AMZ1: variants seen among roughly 807,000 people sequenced by gnomAD.
AMZ1 encodes the protein archaelysin family metallopeptidase 1, also known as archaemetzincin-1.
Under a neutral mutation model 29.9 loss-of-function variants are expected in AMZ1, and 39 were observed. That is an observed-to-expected ratio of 1.30 (90% CI 1.01 to 1.70). The LOEUF (loss-of-function observed/expected upper bound fraction) is 1.70. Ranked by LOEUF, AMZ1 falls within the 40% of genes most tolerant of loss-of-function variation. AMZ1 has a pLI of 0.00. For missense variants in AMZ1, 1,041 were observed against 680.6 expected (o/e 1.53, Z -5.89); for synonymous variants, 458 against 304.0 (o/e 1.51, Z -5.27).
At chr7:2,685,462 G>A (rs1787042196), upstream of AMZ1, among the ~76,000 whole-genome samples, 1 of 152,002 alleles carries the variant, frequency 6.6e-6, no homozygotes, top group Admixed American at 6.6e-5. Flanking sequence ...GGTGGCTGAG[G>A]CAGGAGAATC....
intron 2 of AMZ1, 105 bp downstream of exon 2, chr7:2,700,860 G>A (rs1583160208): frequency 6.9e-7 from 1 of 1,441,152 alleles, no homozygotes; most frequent in Non-Finnish European, 9.3e-7. Context: ...TGAAATGAGG[G>A]AAGAGGGTCC....
chr7:2,727,958 G>A (rs1017201040), intron 4 of AMZ1, among the ~76,000 whole-genome samples: 1 of 148,248 alleles, frequency 6.7e-6, no homozygotes, highest in Non-Finnish European at 1.5e-5. Context: ...TTGAGAGGCT[G>A]AGGCTGAAGA....
At chr7:2,762,757 G>A (rs1205736466), upstream of AMZ1, 4 of 1,550,574 alleles carry the variant, frequency 2.6e-6, no homozygotes, top group South Asian at 1.2e-5. Context: ...AGTGCACCAG[G>A]CCCGTCCTTT....
intron 1 of AMZ1, among the ~76,000 whole-genome samples, chr7:2,695,873 G>C (rs963397829): frequency 6.6e-6 from 1 of 151,922 alleles, no homozygotes; most frequent in East Asian, 1.9e-4. Flanking sequence ...AGCCGGGCGT[G>C]GTGGCGGGCA....
At chr7:2,753,074 T>C (rs1350536891) in intron 4 of AMZ1, among the ~76,000 whole-genome samples, 1 of 152,200 alleles carries the variant, frequency 6.6e-6, no homozygotes, top group African/African-American at 2.4e-5. Context: ...CTCTAGAATG[T>C]ATAGTCACTG....
At chr7:2,741,031 C>G (rs556177604) in intron 4 of AMZ1, among the ~76,000 whole-genome samples, 2 of 150,690 alleles carry the variant, frequency 1.3e-5, no homozygotes, top group Non-Finnish European at 3.0e-5. Context: ...GGCGACAGAG[C>G]GAGACTCCGT....
chr7:2,717,811 T>G lies in AMZ1; in HGVS notation c.*4933T>G, dbSNP rs1220421870. On this transcript the variant is annotated 3_prime_UTR_variant, in exon 7 of 7. Coordinates refer to ENST00000683327, the MANE Select transcript of AMZ1 (RefSeq NM_001384743.1). ...TGGAGGTTTATTTTTGAACTCAGCT[T>G]CTTGGGTAGGGAGGCAAATGAAAAC... 6.6e-6 allele frequency among the ~76,000 whole-genome samples: 1 copy of G among 152,164 alleles called. No homozygotes were observed.
rs547609451 is a variant in AMZ1 at position 2,709,270 on chromosome 7, A to G, written c.771+26A>G. 9 of 1,481,972 alleles carry G rather than the reference A, an allele frequency of 6.1e-6. No individual in the cohort carries two copies. The East Asian group carries it at 1.5e-4, about 24-fold the overall frequency. 91.8% of individuals were successfully genotyped at this position (1,481,972 alleles called of 1,614,324 possible). A position where few individuals can be genotyped will look rare whatever the true frequency, so the allele number is the denominator to read the frequency against. On this transcript the variant is annotated intron_variant, in intron 5 of 6. Coordinates refer to ENST00000683327, the MANE Select transcript of AMZ1 (RefSeq NM_001384743.1). ...GTGGGTGGGGGCTCTGGGGCTGGTAAGAGGGGACAGGAGGGTGCTGTCTGA... is the reference window on the plus strand; with the variant it reads ...GTGGGTGGGGGCTCTGGGGCTGGTAGGAGGGGACAGGAGGGTGCTGTCTGA...
chr7:2,705,995 G>C (rs1158276894), intron 3 of AMZ1, among the ~76,000 whole-genome samples: 1 of 152,192 alleles, frequency 6.6e-6, no homozygotes, highest in Non-Finnish European at 1.5e-5. Context: ...AGTCCCACAA[G>C]GGTCACTCCA....
chr7:2,685,079 C>G (rs554296937), upstream of AMZ1, among the ~76,000 whole-genome samples: 12 of 151,714 alleles, frequency 7.9e-5, no homozygotes, highest in African/African-American at 2.7e-4. Flanking sequence ...CTGTGTTAGC[C>G]AGGATGGTCT....
At chr7:2,754,013 C>T (rs936377712) in intron 4 of AMZ1, among the ~76,000 whole-genome samples, 3 of 152,204 alleles carry the variant, frequency 2.0e-5, no homozygotes, top group Admixed American at 6.5e-5. Flanking sequence ...GAATCTACAT[C>T]TAAACCCTTA....
chr7:2,714,037 C>T lies in AMZ1; in HGVS notation c.*1159C>T, dbSNP rs28391556. On this transcript the variant is annotated 3_prime_UTR_variant, in exon 7 of 7. Coordinates refer to ENST00000683327, the MANE Select transcript of AMZ1 (RefSeq NM_001384743.1). The stretch of plus-strand genomic sequence containing the variant: ...CTTCCTGCACTTTGAAGCTCCTTTA[C>T]GTCCCTGCACATTTGATTGTTGTGT... The T allele has an allele frequency of 0.019, 2,955 of 152,274 alleles. 52 individuals carry two copies. Among genetic ancestry groups the T allele is most frequent in the Non-Finnish European group, 0.032 (2,174 of 68,050 alleles). The allele number at this position is 152,274 out of a possible 1,614,324, so 9.4% of individuals were successfully genotyped here.
chr7:2,695,992 G>A (rs1251019840), intron 1 of AMZ1, among the ~76,000 whole-genome samples: 2 of 144,332 alleles, frequency 1.4e-5, no homozygotes, highest in Non-Finnish European at 3.0e-5. Context: ...CTGGGTGACA[G>A]AGCGAAACTG....
intron 4 of AMZ1, among the ~76,000 whole-genome samples, chr7:2,726,158 AT>A (rs1180843314): frequency 1.3e-5 from 2 of 152,212 alleles, no homozygotes; most frequent in East Asian, 3.9e-4. Context: ...GCACTACCAG[AT>A]TTGGAAAGGC....
rs778587247 is a variant in AMZ1, at chr7:2,712,874, G to C, written c.1493G>C (p.Ser498Thr). The C allele has an allele frequency of 1.3e-6, 2 of 1,518,902 alleles. No homozygotes were observed. The highest frequency in any genetic ancestry group is 2.3e-5 in the East Asian group (1 of 43,906). The allele number at this position is 1,518,902 out of a possible 1,614,324, so 94.1% of individuals were successfully genotyped here. ...CCCCGTCCCTGGGATGGGGAAGAGA[G>C]TTAGTACAGCAGGGGCTGCCCTACG... ...SAPRPWDGEE[S>T] The change falls in exon 7 of 7, where the codon AGT becomes ACT. Residue 498 changes from serine (S) to threonine (T), a missense_variant. Coordinates refer to ENST00000683327, the MANE Select transcript of AMZ1 (RefSeq NM_001384743.1).
chr7:2,721,328 T>C (rs756513856), downstream of AMZ1, among the ~76,000 whole-genome samples: 19 of 152,186 alleles, frequency 1.2e-4, no homozygotes, highest in Non-Finnish European at 2.4e-4. Flanking sequence ...GGCCTCTGCT[T>C]CGGGAAAGGT....
At chr7:2,707,417 C>G (rs28498567) in intron 3 of AMZ1, among the ~76,000 whole-genome samples, 12,515 of 152,086 alleles carry the variant, frequency 0.082, 1,628 homozygotes, top group African/African-American at 0.28. Flanking sequence ...AACTCTGAGA[C>G]CCTCTCCGGG....
chr7:2,685,220 G>C (rs189356284), upstream of AMZ1, among the ~76,000 whole-genome samples: 13 of 152,022 alleles, frequency 8.6e-5, no homozygotes, highest in East Asian at 1.4e-3. Flanking sequence ...GTGGGGGTTG[G>C]GGGGAGGATA....
At chr7:2,748,082 G>A (rs1406171924) in intron 4 of AMZ1, among the ~76,000 whole-genome samples, 2 of 150,562 alleles carry the variant, frequency 1.3e-5, no homozygotes, top group Non-Finnish European at 3.0e-5. Context: ...TGGCCATACT[G>A]CCCAAGGTAA....
Sources: allele counts gnomAD v4.1 joint callset (sites outside exome capture counted in the v4.1 genomes callset), GRCh38; gene constraint gnomAD v4.1.1; transcripts MANE v1.5; gene names NCBI Gene and HGNC (gene_info 2026-07-23, HGNC 2026-07-21).